Variants in ZDHHC17 observed in about 807,000 individuals in gnomAD.
ZDHHC17 encodes the protein zDHHC palmitoyltransferase 17.
In ZDHHC17, 40 loss-of-function variants were observed where a neutral mutation model predicts 90.3. The observed-to-expected ratio is 0.44, with a 90% CI of 0.34 to 0.58. The LOEUF is 0.58. Ranked by LOEUF, ZDHHC17 falls within the 20% of genes least tolerant of loss-of-function variation. The pLI is 0.01. For missense variants in ZDHHC17, 614 were observed against 780.8 expected (o/e 0.79, Z 2.55); for synonymous variants, 235 against 252.4 (o/e 0.93, Z 0.65).
chr12:76,786,771 G>A (rs991094636), intron 1 of ZDHHC17, among the ~76,000 whole-genome samples: 2 of 140,900 alleles, frequency 1.4e-5, no homozygotes, highest in African/African-American at 4.9e-5. Flanking sequence ...TAAATTTTGG[G>A]GATGGTGGAA....
In ZDHHC17 at chr12:76,806,401, C is replaced by T. The variant is rs185479713; in HGVS notation, c.320+962C>T. Among the ~76,000 whole-genome samples, 675 of 152,254 alleles carry T rather than the reference C, an allele frequency of 4.4e-3. 2 individuals carry two copies. Among genetic ancestry groups the T allele is most frequent in the Non-Finnish European group, 7.6e-3 (519 of 68,030 alleles). ...TCAAGCAATTCTCCTGCCTCAGCCT[C>T]CCGAGTAGTTGGGATTATAGGCGGG... is the stretch of plus-strand genomic sequence containing the variant. On this transcript the variant is annotated intron_variant, in intron 3 of 16. Transcript: ENST00000426126.
At chr12:76,808,077 A>G (rs557512540) in intron 3 of ZDHHC17, among the ~76,000 whole-genome samples, 48 of 152,332 alleles carry the variant, frequency 3.2e-4, no homozygotes, top group African/African-American at 1.1e-3. Context: ...GCACCAATTT[A>G]AACAAATACT....
At chr12:76,806,451 G>A (rs1435752376) in intron 3 of ZDHHC17, among the ~76,000 whole-genome samples, 1 of 152,034 alleles carries the variant, frequency 6.6e-6, no homozygotes, top group Non-Finnish European at 1.5e-5. Flanking sequence ...GACGTATAGA[G>A]TGATTCAAGG....
chr12:76,836,729 A>C (rs960353484), intron 10 of ZDHHC17, among the ~76,000 whole-genome samples: 25 of 152,254 alleles, frequency 1.6e-4, no homozygotes, highest in African/African-American at 5.5e-4. Context: ...ATCATTACCA[A>C]ATTTTTATCT....
At chr12:76,773,221 A>G (rs926606770) in intron 1 of ZDHHC17, among the ~76,000 whole-genome samples, 11 of 152,122 alleles carry the variant, frequency 7.2e-5, no homozygotes, top group East Asian at 5.8e-4. Context: ...GAATAGTTCC[A>G]TGGCCTTAAA....
chr12:76,809,058 A>G lies in ZDHHC17; in HGVS notation c.336A>G (p.Lys112=). 6.5e-7 allele frequency: 1 copy of G among 1,532,156 alleles called. No individual in the cohort carries two copies. The highest frequency in any genetic ancestry group is 1.4e-5 in the African/African-American group (1 of 71,312). The allele number at this position is 1,532,156 out of a possible 1,614,324, so 94.9% of individuals were successfully genotyped here. A position where few individuals can be genotyped will look rare whatever the true frequency, so the allele number is the denominator to read the frequency against. ...RIDLVKYYIS[K]GAIVDQLGGD... ...TGTCTTATAGATACTATATTTCGAAAGGTGCTATTGTGGATCAACTTGGAG... is the reference window on the plus strand; with the variant it reads ...TGTCTTATAGATACTATATTTCGAAGGGTGCTATTGTGGATCAACTTGGAG... The change falls in exon 4 of 17, where the codon AAA becomes AAG. Residue 112 remains lysine (K), a synonymous_variant. Transcript: ENST00000426126.
intron 7 of ZDHHC17, among the ~76,000 whole-genome samples, chr12:76,818,975 C>T (rs1171225932): frequency 6.6e-6 from 1 of 152,070 alleles, no homozygotes; most frequent in Non-Finnish European, 1.5e-5. Context: ...ATAAATCAGA[C>T]AAGTGATAAT....
intron 1 of ZDHHC17, among the ~76,000 whole-genome samples, chr12:76,786,309 TC>T (rs1312163667): frequency 6.6e-6 from 1 of 151,768 alleles, no homozygotes; most frequent in Admixed American, 6.6e-5. Context: ...TGAGACAGAG[TC>T]TTGCTCTGTC....
chr12:76,816,799 A>G (rs1458372328), intron 7 of ZDHHC17, among the ~76,000 whole-genome samples: 2 of 152,068 alleles, frequency 1.3e-5, no homozygotes, highest in African/African-American at 4.8e-5. Flanking sequence ...GGCTAGTTTT[A>G]TGGAGCATAA....
intron 13 of ZDHHC17, 83 bp from the exon 14 acceptor site, chr12:76,846,513 C>G: frequency 1.0e-6 from 1 of 969,836 alleles, no homozygotes; most frequent in Non-Finnish European, 1.6e-6. Context: ...CTGTAGCACA[C>G]CTTTCATGGC....
intron 1 of ZDHHC17, among the ~76,000 whole-genome samples, chr12:76,789,021 G>A (rs1952729033): frequency 6.6e-6 from 1 of 151,968 alleles, no homozygotes; most frequent in Non-Finnish European, 1.5e-5. Context: ...TTTAAATAGT[G>A]GAGAATTTAA....
chr12:76,815,454 T>A (rs7305757), intron 6 of ZDHHC17, among the ~76,000 whole-genome samples: 62,071 of 151,332 alleles, frequency 0.41, 13,047 homozygotes, highest in East Asian at 0.65. Flanking sequence ...TATCTTTTTT[T>A]AAAAATTAAT....
intron 10 of ZDHHC17, among the ~76,000 whole-genome samples, chr12:76,834,530 T>C (rs967006729): frequency 6.6e-6 from 1 of 151,878 alleles, no homozygotes; most frequent in African/African-American, 2.4e-5. Flanking sequence ...GTTAGACTTC[T>C]CTGTTTTCTG....
chr12:76,798,210 A>C (rs1237380171), intron 2 of ZDHHC17, among the ~76,000 whole-genome samples: 1 of 152,226 alleles, frequency 6.6e-6, no homozygotes, highest in South Asian at 2.1e-4. Flanking sequence ...AGTTAATGTC[A>C]TATTTACTTA....
At chr12:76,813,138 TAAG>T (rs1341847890) in intron 5 of ZDHHC17, among the ~76,000 whole-genome samples, 1 of 152,098 alleles carries the variant, frequency 6.6e-6, no homozygotes, top group African/African-American at 2.4e-5. Flanking sequence ...AAAACACAAC[TAAG>T]AAGAAGGAGA....
At chr12:76,843,556 TAG>T (rs1169105231) in intron 12 of ZDHHC17, among the ~76,000 whole-genome samples, 8 of 152,088 alleles carry the variant, frequency 5.3e-5, no homozygotes, top group African/African-American at 1.9e-4. Context: ...TATTTATTAA[TAG>T]AGTCAGGTAT....
intron 2 of ZDHHC17, among the ~76,000 whole-genome samples, chr12:76,800,493 A>G (rs952857798): frequency 1.3e-5 from 2 of 152,052 alleles, no homozygotes; most frequent in East Asian, 1.9e-4. Context: ...AGTTCTGTCA[A>G]TTTTTGCTTC....
intron 1 of ZDHHC17, among the ~76,000 whole-genome samples, chr12:76,789,259 CTTTCA>C (rs1021261897): frequency 2.6e-5 from 4 of 152,134 alleles, no homozygotes; most frequent in African/African-American, 7.2e-5. Flanking sequence ...TCCATTTATT[CTTTCA>C]TTTCATTTAA....
At chr12:76,780,027 C>A (rs1952604256) in intron 1 of ZDHHC17, among the ~76,000 whole-genome samples, 1 of 152,188 alleles carries the variant, frequency 6.6e-6, no homozygotes, top group Admixed American at 6.5e-5. Flanking sequence ...TCAGCCAATA[C>A]TACACAGTCT....
Sources: gnomAD v4.1 joint callset for allele counts (sites outside exome capture counted in the v4.1 genomes callset) on GRCh38, gnomAD v4.1.1 for gene constraint, MANE v1.5 for transcripts, NCBI Gene and HGNC (gene_info 2026-07-23, HGNC 2026-07-21) for gene names.